Variants in PDS5B observed in about 807,000 individuals in gnomAD.
The protein encoded by PDS5B is PDS5 cohesin associated factor B.
PDS5B carries 51 observed loss-of-function variants against 184.1 expected under a neutral mutation model. That is an observed-to-expected ratio of 0.28 (90% CI 0.22 to 0.35). PDS5B has a LOEUF of 0.35. PDS5B is among the 10% of genes least tolerant of loss of function. PDS5B has a pLI of 1.00. For synonymous variants in PDS5B, 566 were observed against 569.2 expected (o/e 0.99, Z 0.08); for missense variants, 1,180 against 1,723.3 (o/e 0.68, Z 5.58).
intron 19 of PDS5B, among the ~76,000 whole-genome samples, chr13:32,716,949 A>C (rs1421047086): frequency 8.0e-4 from 51 of 63,574 alleles, no homozygotes; most frequent in African/African-American, 9.8e-4. Context: ...CCGGCCAGCC[A>C]CCCCGTCCGG....
chr13:32,651,163 G>A (rs1950357858), intron 2 of PDS5B, among the ~76,000 whole-genome samples: 1 of 152,050 alleles, frequency 6.6e-6, no homozygotes, highest in South Asian at 2.1e-4. Flanking sequence ...ATTTCTTTTA[G>A]CTTCCTTTGT....
intron 24 of PDS5B, among the ~76,000 whole-genome samples, chr13:32,748,166 G>A (rs1953829111): frequency 6.6e-6 from 1 of 152,182 alleles, no homozygotes; most frequent in South Asian, 2.1e-4. Flanking sequence ...AAGCTTTTCT[G>A]TAATCTGTTC....
At position 32,776,292 on chromosome 13, in the gene PDS5B, G is replaced by C. The variant is rs1954954734; in HGVS notation, c.*1240G>C. The C allele has an allele frequency of 6.6e-6, 1 of 152,400 alleles. No homozygotes were observed. The highest frequency in any genetic ancestry group is 1.5e-5 in the Non-Finnish European group (1 of 68,006). The allele number at this position is 152,400 out of a possible 1,614,324, so 9.4% of individuals were successfully genotyped here. On this transcript the variant is annotated 3_prime_UTR_variant, in exon 35 of 35. Transcript: ENST00000315596. Reference sequence around the variant, plus strand: ...CCAAAAAATTGATTCTGGGGGGTGGGGGCAGCGTAGAAGTGGTATATCCAA... The same window carrying C: ...CCAAAAAATTGATTCTGGGGGGTGGCGGCAGCGTAGAAGTGGTATATCCAA...
intron 11 of PDS5B, among the ~76,000 whole-genome samples, chr13:32,685,065 A>G (rs530639742): frequency 6.6e-5 from 10 of 152,310 alleles, no homozygotes; most frequent in African/African-American, 2.2e-4. Context: ...GTGAGCTGAG[A>G]TTGTGCCACT....
At chr13:32,617,699 A>G (rs2058239479) in intron 1 of PDS5B, among the ~76,000 whole-genome samples, 1 of 152,166 alleles carries the variant, frequency 6.6e-6, no homozygotes, top group Admixed American at 6.5e-5. Flanking sequence ...GTGGGTGTAA[A>G]ATCCTCAATG....
chr13:32,685,109 G>A (rs190538344), intron 11 of PDS5B, among the ~76,000 whole-genome samples: 209 of 152,204 alleles, frequency 1.4e-3, no homozygotes, highest in Non-Finnish European at 8.2e-4. Context: ...GTGAGACTCC[G>A]TCTCAAAAAA....
chr13:32,675,418 T>C (rs1016346057), intron 8 of PDS5B, among the ~76,000 whole-genome samples: 1 of 152,228 alleles, frequency 6.6e-6, no homozygotes, highest in Admixed American at 6.5e-5. Flanking sequence ...CTAATAGAGC[T>C]AAAAAGTTTA....
intron 1 of PDS5B, among the ~76,000 whole-genome samples, chr13:32,604,071 T>C (rs1680104525): frequency 6.6e-6 from 1 of 152,252 alleles, no homozygotes; most frequent in South Asian, 2.1e-4. Context: ...CTTTATTTCT[T>C]TCTCTTGCCT....
rs114231908 is a variant in PDS5B at position 32,617,291 on chromosome 13, A to G, written c.-20+30698A>G. ...GCACCTACTTACAGAGTTGCTTGTT[A>G]GTACTTCCCTAAATTTTATTGTAGT... is the stretch of plus-strand genomic sequence containing the variant. On this transcript the variant is annotated intron_variant, in intron 1 of 34. Coordinates refer to ENST00000315596, the MANE Select transcript of PDS5B (RefSeq NM_015032.4). 1.0e-2 allele frequency among the ~76,000 whole-genome samples: 1,516 copies of G among 152,332 alleles called. 11 individuals carry two copies. The highest frequency in any genetic ancestry group is 0.026 in the African/African-American group (1,068 of 41,568).
intron 2 of PDS5B, 175 bp downstream of exon 2, chr13:32,649,055 G>T: frequency 1.9e-6 from 1 of 523,838 alleles, no homozygotes. Flanking sequence ...GGATTATTTG[G>T]CTATGATTAA....
At chr13:32,719,837 G>A (rs1293455640) in intron 19 of PDS5B, among the ~76,000 whole-genome samples, 1 of 147,934 alleles carries the variant, frequency 6.8e-6, no homozygotes, top group Non-Finnish European at 1.5e-5. Flanking sequence ...CTCCCAGGCT[G>A]TAGTGTAGTG....
chr13:32,600,962 G>T (rs1007724592), intron 1 of PDS5B, among the ~76,000 whole-genome samples: 1 of 152,114 alleles, frequency 6.6e-6, no homozygotes, highest in Non-Finnish European at 1.5e-5. Flanking sequence ...TATTTTTGAG[G>T]CTTCCCTACC....
intron 19 of PDS5B, among the ~76,000 whole-genome samples, chr13:32,719,743 A>G (rs947189120): frequency 2.0e-5 from 3 of 151,784 alleles, no homozygotes; most frequent in African/African-American, 4.8e-5. Context: ...TTTTCAGTAT[A>G]TATTAGTTAG....
chr13:32,688,473 T>C lies in PDS5B; in HGVS notation c.1373T>C (p.Ile458Thr), dbSNP rs1445854371. The C allele has an allele frequency of 6.3e-7, 1 of 1,588,920 alleles. No homozygotes were observed. The highest frequency in any genetic ancestry group is 1.7e-5 in the Admixed American group (1 of 57,948). The change falls in exon 13 of 35, where the codon ATC (isoleucine) becomes ACC (threonine). Residue 458 changes from isoleucine to threonine, a missense_variant. Physicochemically the swap from Ile to Thr is moderately conservative, Grantham distance 89. Around this residue, in one of 11 missense-constraint regions of PDS5B, gnomAD observed 475 missense variants for 691.5 expected, o/e 0.69. Transcript: ENST00000315596. Reference sequence around the variant, plus strand: ...TTTTGTAGACTACTTGTTGAACGGATCTTTGCTCAATACATGGTTCCTCAC... The same window carrying C: ...TTTTGTAGACTACTTGTTGAACGGACCTTTGCTCAATACATGGTTCCTCAC... ...SIDDRLLVER[I>T]FAQYMVPHNL... is the part of the protein sequence containing the mutation.
At chr13:32,743,521 C>T (rs1953637006) in intron 23 of PDS5B, among the ~76,000 whole-genome samples, 1 of 151,974 alleles carries the variant, frequency 6.6e-6, no homozygotes, top group Admixed American at 6.6e-5. Context: ...CATTTGGTGC[C>T]CCTCCTTGGT....
chr13:32,724,324 C>T (rs1383756695), intron 19 of PDS5B, among the ~76,000 whole-genome samples: 1 of 151,982 alleles, frequency 6.6e-6, no homozygotes, highest in Non-Finnish European at 1.5e-5. Context: ...CATTATGTTG[C>T]CCAGACTGGT....
intron 6 of PDS5B, among the ~76,000 whole-genome samples, chr13:32,663,703 T>A (rs1291305267): frequency 6.6e-6 from 1 of 152,066 alleles, no homozygotes; most frequent in Non-Finnish European, 1.5e-5. Flanking sequence ...TTAAAAAAAA[T>A]TTGTATTTAT....
At chr13:32,737,533 CCTT>C (rs1425618068) in intron 21 of PDS5B, among the ~76,000 whole-genome samples, 1 of 152,168 alleles carries the variant, frequency 6.6e-6, no homozygotes, top group Admixed American at 6.5e-5. Flanking sequence ...TGCTTTCCCT[CCTT>C]ATTTGAAACT....
At chr13:32,639,569 T>G (rs2058622325) in intron 1 of PDS5B, among the ~76,000 whole-genome samples, 3 of 152,200 alleles carry the variant, frequency 2.0e-5, no homozygotes, top group Admixed American at 6.5e-5. Flanking sequence ...TAGGGGAGAA[T>G]AGCATAATTT....
Sources: gnomAD v4.1 joint callset for allele counts (sites outside exome capture counted in the v4.1 genomes callset) on GRCh38, gnomAD v4.1.1 for gene constraint, gnomAD v4.1.1 regional missense constraint, MANE v1.5 for transcripts, NCBI Gene and HGNC (gene_info 2026-07-23, HGNC 2026-07-21) for gene names.